The following GFM2 variants were observed in gnomAD, a reference collection of about 807,000 sequenced individuals.
GFM2 encodes ribosome-releasing factor 2, mitochondrial.
Under a neutral mutation model 95.4 loss-of-function variants are expected in GFM2, and 72 were observed. That is an observed-to-expected ratio of 0.76 (90% confidence interval 0.62 to 0.92). GFM2 has a LOEUF of 0.92. GFM2 is among the 40% of genes least tolerant of loss of function. GFM2 has a pLI of 0.00. For synonymous variants in GFM2, 276 were observed against 317.5 expected (o/e 0.87, Z 1.39); for missense variants, 825 against 924.1 (o/e 0.89, Z 1.39).
chr5:74,721,290 C>G lies in GFM2; in HGVS notation c.*365G>C. Reference sequence around the variant, plus strand: ...AATAAAATATTTTTATTGATTGAACCTTTGACCCTCTATCTTATTACATTT... The same window carrying G: ...AATAAAATATTTTTATTGATTGAACGTTTGACCCTCTATCTTATTACATTT... On this transcript the variant is annotated 3_prime_UTR_variant, in exon 21 of 21. Transcript: ENST00000296805. 1 of 888,522 alleles carries G rather than the reference C, an allele frequency of 1.1e-6. No individual in the cohort carries two copies. 55.0% of individuals were successfully genotyped at this position (888,522 alleles called of 1,614,324 possible). A position where few individuals can be genotyped will look rare whatever the true frequency, so the allele number is the denominator to read the frequency against.
At chr5:74,755,487 A>G (rs1373675413) in intron 5 of GFM2, among the ~76,000 whole-genome samples, 1 of 152,214 alleles carries the variant, frequency 6.6e-6, no homozygotes, top group Non-Finnish European at 1.5e-5. Context: ...CATTAGTAAG[A>G]TTAACCAAGA....
chr5:74,725,270 T>C (rs893593163), intron 19 of GFM2: 3 of 181,586 alleles, frequency 1.7e-5, no homozygotes, highest in East Asian at 3.0e-4. Flanking sequence ...CAGTGTTCTT[T>C]AGATTACAGT....
chr5:74,726,581 AT>A (rs1443446849), intron 17 of GFM2, among the ~76,000 whole-genome samples: 3 of 152,162 alleles, frequency 2.0e-5, no homozygotes, highest in Non-Finnish European at 4.4e-5. Context: ...TTCCAGCAAT[AT>A]TTTATGCACT....
intron 15 of GFM2, 170 bp downstream of exon 15, chr5:74,736,626 T>C: frequency 2.1e-6 from 3 of 1,432,786 alleles, no homozygotes; most frequent in South Asian, 1.5e-5. Flanking sequence ...TGAAGGCATT[T>C]GTAAAAATCA....
chr5:74,752,491 ACT>A (rs924505379), intron 5 of GFM2, among the ~76,000 whole-genome samples: 7 of 152,172 alleles, frequency 4.6e-5, no homozygotes, highest in African/African-American at 1.7e-4. Flanking sequence ...CTCAAATATA[ACT>A]CTATGTTAAT....
chr5:74,732,404 T>C (rs1290269022), intron 16 of GFM2, among the ~76,000 whole-genome samples: 1 of 152,148 alleles, frequency 6.6e-6, no homozygotes, highest in East Asian at 1.9e-4. Flanking sequence ...GTTTATCCTT[T>C]TTAAAGATAA....
intron 15 of GFM2, 199 bp from the exon 16 acceptor site, chr5:74,733,297 C>A: frequency 4.5e-6 from 2 of 439,740 alleles, no homozygotes; most frequent in Non-Finnish European, 4.1e-6. Context: ...TTGCGACCAG[C>A]CTGGGCAACA....
chr5:74,731,469 G>C (rs957328193), intron 16 of GFM2, among the ~76,000 whole-genome samples: 3 of 152,150 alleles, frequency 2.0e-5, no homozygotes, highest in Non-Finnish European at 4.4e-5. Flanking sequence ...AGCTTCCCTG[G>C]TTGGCAATAC....
intron 7 of GFM2, 114 bp downstream of exon 7, chr5:74,750,465 T>C (rs1336839566): frequency 3.2e-6 from 2 of 617,000 alleles, no homozygotes; most frequent in Non-Finnish European, 5.7e-6. Flanking sequence ...TTTACCATTA[T>C]TTGATTTATG....
chr5:74,763,244 A>C (rs1744373762), intron 2 of GFM2, among the ~76,000 whole-genome samples: 1 of 152,254 alleles, frequency 6.6e-6, no homozygotes, highest in African/African-American at 2.4e-5. Flanking sequence ...AAGACAGCCA[A>C]AAGTAGTTGT....
At chr5:74,761,929 G>A (rs1744303194) in intron 2 of GFM2, among the ~76,000 whole-genome samples, 1 of 152,144 alleles carries the variant, frequency 6.6e-6, no homozygotes, top group Admixed American at 6.6e-5. Flanking sequence ...TAGTTACCAA[G>A]TTTCTGGCAA....
chr5:74,755,477 C>T (rs1743932839), intron 5 of GFM2, among the ~76,000 whole-genome samples: 1 of 151,988 alleles, frequency 6.6e-6, no homozygotes, highest in African/African-American at 2.4e-5. Context: ...ATTGATAGAC[C>T]ATTAGTAAGA....
rs755985449 is a variant in GFM2, at chr5:74,738,442, G to A, written c.1221-25C>T. ...CCTGTAAAATCACAATTTTATGTTA[G>A]TAAAAGTATTTTTAAAGAAGTGCAT... is the stretch of plus-strand genomic sequence containing the variant. On this transcript the variant is annotated intron_variant, in intron 13 of 20. Transcript: ENST00000296805. 17 of 1,610,650 alleles carry A rather than the reference G, an allele frequency of 1.1e-5. 1 individual carries two copies. In the South Asian group the frequency reaches 1.9e-4, roughly 18 times the overall value.
rs1344498095 is a variant in GFM2, at chr5:74,739,982, T to C, written c.1079+7A>G. On this transcript the variant is annotated splice_region_variant and intron_variant, in intron 12 of 20. Coordinates refer to ENST00000296805, the MANE Select transcript of GFM2 (RefSeq NM_032380.5). ...TAGAATTTTAATATATGTGATTGCA[T>C]ACTTACAGAAATTCATAGTTACGCT... 2.7e-6 allele frequency: 4 copies of C among 1,509,080 alleles called. No individual in the cohort carries two copies. Among genetic ancestry groups the C allele is most frequent in the Admixed American group, 2.3e-5 (1 of 43,432 alleles). 93.5% of individuals were successfully genotyped at this position (1,509,080 alleles called of 1,614,324 possible). A position where few individuals can be genotyped will look rare whatever the true frequency, so the allele number is the denominator to read the frequency against.
chr5:74,726,060 A>G lies in GFM2; in HGVS notation c.1793T>C (p.Ile598Thr), dbSNP rs945022234. ...LVTVEVEARP[I>T]ETSSVMPVIE... Reference sequence around the variant, plus strand: ...CACAGGCATAACAGATGATGTTTCAATTGGCCTTGCTTCCACTTCTACAGT... The same window carrying G: ...CACAGGCATAACAGATGATGTTTCAGTTGGCCTTGCTTCCACTTCTACAGT... Residue 598 changes from isoleucine (I) to threonine (T), a missense_variant, in exon 18 of 21, where the codon ATT becomes ACT. Physicochemically the swap from Ile to Thr is moderately conservative, Grantham distance 89. Transcript: ENST00000296805. 5 of 1,613,512 alleles carry G rather than the reference A, an allele frequency of 3.1e-6. No homozygotes were observed. The highest frequency in any genetic ancestry group is 1.3e-5 in the African/African-American group (1 of 74,930).
intron 3 of GFM2, among the ~76,000 whole-genome samples, 189 bp downstream of exon 3, chr5:74,760,713 G>A (rs1013688447): frequency 2.0e-5 from 3 of 152,084 alleles, no homozygotes; most frequent in Non-Finnish European, 2.9e-5. Context: ...CTCAGATAAG[G>A]AGCACAACTC....
At chr5:74,758,570 C>T (rs1286568619) in intron 5 of GFM2, among the ~76,000 whole-genome samples, 1 of 152,228 alleles carries the variant, frequency 6.6e-6, no homozygotes, top group Non-Finnish European at 1.5e-5. Flanking sequence ...AAAGAAACAC[C>T]TAATGCTGGT....
chr5:74,741,373 T>G (rs754094120), intron 11 of GFM2, among the ~76,000 whole-genome samples, 156 bp downstream of exon 11: 2 of 152,078 alleles, frequency 1.3e-5, no homozygotes, highest in Non-Finnish European at 2.9e-5. Flanking sequence ...ATTGTATTAG[T>G]AGTGACTTTA....
At chr5:74,753,907 CAG>C (rs1271284849) in intron 5 of GFM2, among the ~76,000 whole-genome samples, 2 of 152,222 alleles carry the variant, frequency 1.3e-5, no homozygotes, top group South Asian at 2.1e-4. Context: ...CGTTTAGGCA[CAG>C]AGTCATCAGG....
Sources: gnomAD v4.1 joint callset for allele counts (sites outside exome capture counted in the v4.1 genomes callset) on GRCh38, gnomAD v4.1.1 for gene constraint, MANE v1.5 for transcripts, NCBI Gene and HGNC (gene_info 2026-07-23, HGNC 2026-07-21) for gene names.